The following ZMIZ1 variants were observed in gnomAD, a reference collection of about 807,000 sequenced individuals.
ZMIZ1 encodes the protein zinc finger MIZ-type containing 1, also known as zinc finger MIZ domain-containing protein 1.
ZMIZ1 carries 17 observed loss-of-function variants against 113.9 expected under a neutral mutation model. The observed-to-expected ratio is 0.15, with a 90% CI of 0.10 to 0.22. ZMIZ1 has a LOEUF of 0.22. Among genes scored for constraint, ZMIZ1 ranks in the 10% least tolerant of loss-of-function variants. The pLI, the probability that ZMIZ1 is intolerant of heterozygous loss-of-function variation, is 1.00. For synonymous variants in ZMIZ1, 607 were observed against 603.1 expected (o/e 1.01, Z -0.09); for missense variants, 1,059 against 1,477.8 (o/e 0.72, Z 4.65).
At chr10:79,070,630 C>T (rs1842238774) in intron 1 of ZMIZ1, among the ~76,000 whole-genome samples, 1 of 152,124 alleles carries the variant, frequency 6.6e-6, no homozygotes, top group Admixed American at 6.5e-5. Flanking sequence ...CTCTGCCTTC[C>T]CTTCCCACCT....
intron 3 of ZMIZ1, among the ~76,000 whole-genome samples, chr10:79,157,898 C>T (rs1413589131): frequency 6.6e-6 from 1 of 152,156 alleles, no homozygotes; most frequent in African/African-American, 2.4e-5. Flanking sequence ...TCCCCTGTCA[C>T]CCCAAGAGTC....
At position 79,118,164 on chromosome 10, in the gene ZMIZ1, A is replaced by G. The variant is rs145783061; in HGVS notation, c.-336-751A>G. ...TGTAAAATGACAAGGAAAAGTATCA[A>G]CCTCACCAAGTCCCTTTCTTCTCAT... On this transcript the variant is annotated intron_variant, in intron 1 of 24. Transcript: ENST00000334512. This position sits in a 1 kb window ranked among gnomAD's most constrained non-coding sequence, Gnocchi z 4.1. Among the ~76,000 whole-genome samples the G allele has an allele frequency of 9.9e-5, 15 of 152,206 alleles. No individual in the cohort carries two copies. Among genetic ancestry groups the G allele is most frequent in the African/African-American group, 3.1e-4 (13 of 41,510 alleles).
At chr10:79,145,798 C>A (rs1336397775) in intron 3 of ZMIZ1, among the ~76,000 whole-genome samples, 1 of 152,164 alleles carries the variant, frequency 6.6e-6, no homozygotes, top group African/African-American at 2.4e-5. Context: ...CCTTGACCTC[C>A]CAGGCTCAAC....
rs1820440522 is a variant in ZMIZ1 at position 79,313,515 on chromosome 10, C to G, written c.*766C>G. ...CAGGACGTCCCTGAGGCTCCACCTC[C>G]AAGCTCAGACAGGGCCCAGGCTTGG... On this transcript the variant is annotated 3_prime_UTR_variant, in exon 25 of 25. Transcript: ENST00000334512. 3 of 161,286 alleles carry G rather than the reference C, an allele frequency of 1.9e-5. No homozygotes were observed. The highest frequency in any genetic ancestry group is 1.8e-4 in the Admixed American group (3 of 16,458). The allele number at this position is 161,286 out of a possible 1,614,324, so 10.0% of individuals were successfully genotyped here. A position where few individuals can be genotyped will look rare whatever the true frequency, so the allele number is the denominator to read the frequency against.
chr10:79,308,728 TCTTTCCTGATGCCC>T (rs1854903562), intron 23 of ZMIZ1, among the ~76,000 whole-genome samples: 1 of 152,064 alleles, frequency 6.6e-6, no homozygotes. Flanking sequence ...TCTGGGGGCT[TCTTTCCTGATGCCC>T]CTTCCTGGGC....
intron 1 of ZMIZ1, among the ~76,000 whole-genome samples, chr10:79,085,658 G>C (rs1192394102): frequency 6.6e-6 from 1 of 152,218 alleles, no homozygotes; most frequent in Non-Finnish European, 1.5e-5. Context: ...AAACACGCTT[G>C]TTAGGATTAC....
At chr10:79,200,713 C>T (rs1206975833) in intron 4 of ZMIZ1, among the ~76,000 whole-genome samples, 1 of 152,156 alleles carries the variant, frequency 6.6e-6, no homozygotes, top group Non-Finnish European at 1.5e-5. Flanking sequence ...CATTCTTATC[C>T]TCCTTTTCCA....
At chr10:79,111,699 C>T (rs1350009685) in intron 1 of ZMIZ1, among the ~76,000 whole-genome samples, 1 of 152,204 alleles carries the variant, frequency 6.6e-6, no homozygotes, top group African/African-American at 2.4e-5. Flanking sequence ...TGGAAATTCC[C>T]AAGCTTGCCC....
chr10:79,121,388 G>A (rs1044531962), intron 2 of ZMIZ1, among the ~76,000 whole-genome samples: 1 of 152,182 alleles, frequency 6.6e-6, no homozygotes, highest in African/African-American at 2.4e-5. Flanking sequence ...GGGGGTTCCC[G>A]AGGAGGCTTC....
At chr10:79,259,737 T>A (rs1564559570) in intron 7 of ZMIZ1, among the ~76,000 whole-genome samples, 1 of 151,468 alleles carries the variant, frequency 6.6e-6, no homozygotes, top group Non-Finnish European at 1.5e-5. Context: ...TGCCTCAGCC[T>A]CCCCAGTAGC....
In ZMIZ1 at chr10:79,313,771, A is replaced by G; in HGVS notation, c.*1022A>G. 1 of 334,160 alleles carries G rather than the reference A, an allele frequency of 3.0e-6. No homozygotes were observed. The highest frequency in any genetic ancestry group is 5.9e-6 in the Non-Finnish European group (1 of 168,432). 20.7% of individuals were successfully genotyped at this position (334,160 alleles called of 1,614,324 possible). On this transcript the variant is annotated 3_prime_UTR_variant, in exon 25 of 25. Coordinates refer to ENST00000334512, the MANE Select transcript of ZMIZ1 (RefSeq NM_020338.4). ...TCTCCGTCTGTTCTGTTTTTCTCCT[A>G]GTCCCTCTCCTGCCACCTCTCCAAG...
intron 1 of ZMIZ1, among the ~76,000 whole-genome samples, chr10:79,114,095 G>A (rs1309630572): frequency 1.3e-5 from 2 of 152,238 alleles, no homozygotes; most frequent in Non-Finnish European, 2.9e-5. Flanking sequence ...GACTGCTGGG[G>A]ACTGGGGTGG....
intron 1 of ZMIZ1, among the ~76,000 whole-genome samples, chr10:79,104,881 A>G (rs1210196535): frequency 6.6e-6 from 1 of 152,044 alleles, no homozygotes; most frequent in African/African-American, 2.4e-5. Flanking sequence ...TGTTTCTCAA[A>G]GAAACGATGG....
intron 7 of ZMIZ1, among the ~76,000 whole-genome samples, chr10:79,236,974 C>G (rs1486066081): frequency 1.3e-5 from 2 of 152,248 alleles, no homozygotes; most frequent in African/African-American, 4.8e-5. Flanking sequence ...ATGCTAAGGA[C>G]AAAGCCACGT....
intron 2 of ZMIZ1, among the ~76,000 whole-genome samples, chr10:79,131,305 C>T (rs543497473): frequency 2.0e-5 from 3 of 151,944 alleles, no homozygotes; most frequent in South Asian, 2.1e-4. Flanking sequence ...GAGAACAGCA[C>T]GTGCCCACTC....
intron 7 of ZMIZ1, among the ~76,000 whole-genome samples, chr10:79,240,763 A>C (rs2025629): frequency 0.38 from 56,447 of 147,824 alleles, 12,356 homozygotes; most frequent in South Asian, 0.57. Context: ...CAGAGTGGGT[A>C]CCTGGGAGAA....
intron 7 of ZMIZ1, among the ~76,000 whole-genome samples, chr10:79,242,039 G>A (rs765616171): frequency 6.6e-6 from 1 of 152,178 alleles, no homozygotes; most frequent in Non-Finnish European, 1.5e-5. Context: ...GTGGGGCTGG[G>A]GGAGGGAGCT....
intron 1 of ZMIZ1, among the ~76,000 whole-genome samples, chr10:79,079,801 C>T (rs1261707589): frequency 6.6e-6 from 1 of 152,258 alleles, no homozygotes; most frequent in Non-Finnish European, 1.5e-5. Context: ...AGGAAGTCCC[C>T]GCCCAGTCCC....
chr10:79,307,724 G>A (rs780725003), intron 23 of ZMIZ1, among the ~76,000 whole-genome samples, 153 bp downstream of exon 23: 7 of 152,236 alleles, frequency 4.6e-5, no homozygotes, highest in Non-Finnish European at 8.8e-5. Flanking sequence ...CTGAGGCTAC[G>A]TCGTGCCCTG....
Sources: allele counts gnomAD v4.1 joint callset (sites outside exome capture counted in the v4.1 genomes callset), GRCh38; gene constraint gnomAD v4.1.1; non-coding constraint Gnocchi (gnomAD v3.1); transcripts MANE v1.5; gene names NCBI Gene and HGNC (gene_info 2026-07-23, HGNC 2026-07-21).